DPP6: variants seen among roughly 807,000 people sequenced by gnomAD.
The protein encoded by DPP6 is dipeptidyl peptidase like 6.
DPP6 carries 69 observed loss-of-function variants against 122.6 expected under a neutral mutation model. The ratio of observed to expected loss-of-function variants is 0.56; its 90% confidence interval spans 0.46 to 0.69. The LOEUF (loss-of-function observed/expected upper bound fraction) is 0.69. DPP6 is among the 30% of genes least tolerant of loss of function. The probability of loss-of-function intolerance (pLI) is 0.00; values close to 1 mark genes in which losing one functional copy is unlikely to be tolerated. For missense variants in DPP6, 928 were observed against 1,116.9 expected, an observed-to-expected ratio of 0.83 and a Z score of 2.41; for synonymous variants, 418 against 433.1, an observed-to-expected ratio of 0.97 and a Z score of 0.43.
intron 1 of DPP6, among the ~76,000 whole-genome samples, chr7:154,150,563 T>G (rs1796360111): frequency 6.6e-6 from 1 of 152,198 alleles, no homozygotes; most frequent in South Asian, 2.1e-4. Context: ...CAGTCTGAGC[T>G]CATATTTGCC....
intron 3 of DPP6, among the ~76,000 whole-genome samples, chr7:154,530,147 G>A (rs553675452): frequency 6.6e-6 from 1 of 150,876 alleles, no homozygotes; most frequent in Admixed American, 6.6e-5. Context: ...AAAAGAAAAA[G>A]AAAAAAAAGA....
intron 10 of DPP6, among the ~76,000 whole-genome samples, chr7:154,791,331 A>T (rs1195352833): frequency 1.3e-5 from 2 of 152,230 alleles, no homozygotes; most frequent in Non-Finnish European, 2.9e-5. Flanking sequence ...GAGAGGTTTC[A>T]TAGACTCAGT....
intron 1 of DPP6, among the ~76,000 whole-genome samples, chr7:154,423,548 C>T (rs942416182): frequency 6.6e-6 from 1 of 152,028 alleles, no homozygotes; most frequent in African/African-American, 2.4e-5. Context: ...CTTTATAGAC[C>T]GAGCTTAAGG....
intron 7 of DPP6, among the ~76,000 whole-genome samples, chr7:154,674,128 G>A (rs1322641023): frequency 1.3e-5 from 2 of 151,968 alleles, no homozygotes; most frequent in East Asian, 1.9e-4. Context: ...CACCCACCTC[G>A]GCCTCCCAAA....
chr7:154,861,701 A>ATGAT (rs1803412178), intron 17 of DPP6, among the ~76,000 whole-genome samples: 1 of 152,240 alleles, frequency 6.6e-6, no homozygotes, highest in African/African-American at 2.4e-5. Flanking sequence ...ATAAAAAGTT[A>ATGAT]TGATTGCTCT....
chr7:153,874,760 T>A, the DPP6 span, among the ~76,000 whole-genome samples: 1 of 152,108 alleles, frequency 6.6e-6, no homozygotes, highest in African/African-American at 2.4e-5. Context: ...GATATGAAAT[T>A]AAGAACTCAA....
intron 6 of DPP6, among the ~76,000 whole-genome samples, chr7:154,641,749 C>T (rs141616138): frequency 2.6e-5 from 4 of 152,086 alleles, no homozygotes; most frequent in South Asian, 2.1e-4. Context: ...TTTCTATAAC[C>T]GAAATCAATT....
intron 1 of DPP6, among the ~76,000 whole-genome samples, chr7:154,128,678 C>T (rs544637745): frequency 4.1e-4 from 60 of 147,842 alleles, no homozygotes; most frequent in Admixed American, 1.2e-3. Context: ...CGTGAGACAC[C>T]GTGCCCAGCC....
rs71182854 is a variant in DPP6 at position 153,928,396 on chromosome 7, A to ATTTTTTTTTTT, written c.51+40677_51+40687dup. Among the ~76,000 whole-genome samples the ATTTTTTTTTTT allele has an allele frequency of 3.6e-3, 159 of 43,694 alleles. 23 individuals are homozygous for ATTTTTTTTTTT. The highest frequency in any genetic ancestry group is 7.1e-3 in the African/African-American group (90 of 12,642). 28.7% of individuals were successfully genotyped at this position (43,694 alleles called of 152,430 possible). ...CTGGCTAATTTTTTTCTTTTCTTTC[A>ATTTTTTTTTTT]TTTTTTTTTTTTTTTTTTTTTTTTT... is the stretch of plus-strand genomic sequence containing the variant. On this transcript the variant is annotated intron_variant, in intron 1 of 25. Coordinates refer to the DPP6 transcript ENST00000404039.
At chr7:154,060,352 C>CT (rs1801582791) in intron 1 of DPP6, among the ~76,000 whole-genome samples, 3 of 117,660 alleles carry the variant, frequency 2.5e-5, no homozygotes, top group Non-Finnish European at 3.6e-5. Context: ...CCCCGCGAGG[C>CT]AGGGACTGAG....
At position 154,875,887 on chromosome 7, in the gene DPP6, C is replaced by T. The variant is rs1804803737; in HGVS notation, c.1884-19C>T. The stretch of plus-strand genomic sequence containing the variant: ...CCCACCACGCAGCAGGCCTGCTGAG[C>T]CCGGGATTCTCTTTCCAGGGATGGC... On this transcript the variant is annotated intron_variant, in intron 19 of 25. Transcript: ENST00000377770. This position sits in a 1 kb window ranked among gnomAD's most constrained non-coding sequence, Gnocchi z 4.5. 6.3e-7 allele frequency: 1 copy of T among 1,596,578 alleles called. No individual in the cohort carries two copies. The highest frequency in any genetic ancestry group is 1.1e-5 in the South Asian group (1 of 88,642).
At chr7:154,479,320 G>A (rs1285360794) in intron 3 of DPP6, among the ~76,000 whole-genome samples, 1 of 152,110 alleles carries the variant, frequency 6.6e-6, no homozygotes, top group Non-Finnish European at 1.5e-5. Context: ...CACTTTGGGA[G>A]GCCAAGGTGG....
chr7:153,786,026 AT>A, the DPP6 span, among the ~76,000 whole-genome samples: 2 of 151,996 alleles, frequency 1.3e-5, no homozygotes, highest in East Asian at 3.9e-4. Flanking sequence ...TCTACTGCTT[AT>A]GTTTGCTAAG....
intron 5 of DPP6, among the ~76,000 whole-genome samples, chr7:154,609,192 G>A (rs528297972): frequency 2.7e-4 from 41 of 152,170 alleles, no homozygotes; most frequent in African/African-American, 9.4e-4. Context: ...GAACAGTTTC[G>A]TTATGTTGTA....
At chr7:154,222,410 C>T (rs1800356084) in intron 1 of DPP6, among the ~76,000 whole-genome samples, 1 of 151,870 alleles carries the variant, frequency 6.6e-6, no homozygotes, top group African/African-American at 2.4e-5. Context: ...AATCCCAGCA[C>T]TTTGGGAGGC....
At chr7:153,784,793 T>C in the DPP6 span, among the ~76,000 whole-genome samples, 1 of 152,266 alleles carries the variant, frequency 6.6e-6, no homozygotes, top group African/African-American at 2.4e-5. Flanking sequence ...AACAGACAGG[T>C]AGGGAATGGT....
chr7:153,855,616 T>G, the DPP6 span, among the ~76,000 whole-genome samples: 1 of 152,174 alleles, frequency 6.6e-6, no homozygotes, highest in Non-Finnish European at 1.5e-5. Context: ...TAGACAGAGA[T>G]TTCTAGTCTT....
chr7:154,868,348 A>G (rs760653992), intron 18 of DPP6, among the ~76,000 whole-genome samples: 6 of 152,194 alleles, frequency 3.9e-5, no homozygotes, highest in Non-Finnish European at 8.8e-5. Context: ...AAGCAAGACC[A>G]CAGACTCCAA....
At chr7:154,864,003 C>G (rs895347359) in intron 17 of DPP6, among the ~76,000 whole-genome samples, 1 of 151,866 alleles carries the variant, frequency 6.6e-6, no homozygotes, top group Non-Finnish European at 1.5e-5. Context: ...TACTGATGGC[C>G]GCAGGGGAAG....
Sources: gnomAD v4.1 joint callset for allele counts (sites outside exome capture counted in the v4.1 genomes callset) on GRCh38, gnomAD v4.1.1 for gene constraint, Gnocchi (gnomAD v3.1) non-coding constraint, MANE v1.5 for transcripts, NCBI Gene and HGNC (gene_info 2026-07-23, HGNC 2026-07-21) for gene names.